STOX2: variants seen among roughly 807,000 people sequenced by gnomAD.
The protein encoded by STOX2 is storkhead-box protein 2.
Under a neutral mutation model 60.9 loss-of-function variants are expected in STOX2, and 28 were observed. The ratio of observed to expected loss-of-function variants is 0.46; its 90% confidence interval spans 0.34 to 0.63. The LOEUF is 0.63. STOX2 is among the 30% of genes least tolerant of loss of function. The pLI is 0.01. For missense variants in STOX2, 1,024 were observed against 1,187.7 expected (o/e 0.86, Z 2.03); for synonymous variants, 472 against 463.9 (o/e 1.02, Z -0.22).
intron 1 of STOX2, among the ~76,000 whole-genome samples, chr4:183,963,585 C>G (rs1743474341): frequency 6.6e-6 from 1 of 151,764 alleles, no homozygotes; most frequent in South Asian, 2.1e-4. Context: ...CGCCACCACA[C>G]CCGGCTAATT....
At chr4:183,925,868 G>T (rs1307995863) in intron 1 of STOX2, among the ~76,000 whole-genome samples, 1 of 151,874 alleles carries the variant, frequency 6.6e-6, no homozygotes, top group African/African-American at 2.4e-5. Flanking sequence ...GCTCCTTTTA[G>T]TATTTGAAAA....
At chr4:183,894,436 A>G (rs1741296473) in intron 1 of STOX2, among the ~76,000 whole-genome samples, 1 of 152,204 alleles carries the variant, frequency 6.6e-6, no homozygotes, top group African/African-American at 2.4e-5. Context: ...TTTTTATTCT[A>G]TATTAGCATT....
intron 1 of STOX2, among the ~76,000 whole-genome samples, chr4:183,850,165 G>T (rs1288302744): frequency 6.6e-6 from 1 of 151,542 alleles, no homozygotes; most frequent in African/African-American, 2.4e-5. Context: ...TAGAGACGAG[G>T]TTTCACCATG....
At chr4:183,913,811 A>C (rs1741855517) in intron 1 of STOX2, among the ~76,000 whole-genome samples, 1 of 152,022 alleles carries the variant, frequency 6.6e-6, no homozygotes, top group Non-Finnish European at 1.5e-5. Context: ...ACAAACAAAA[A>C]AACTGTGTGT....
At chr4:183,894,834 G>A (rs922912706) in intron 1 of STOX2, among the ~76,000 whole-genome samples, 5 of 152,072 alleles carry the variant, frequency 3.3e-5, no homozygotes, top group South Asian at 2.1e-4. Context: ...TAACTCTCTC[G>A]GTCTCTTGCA....
rs562295888 is a variant in STOX2, at chr4:183,911,699, C to G, written c.166+4743C>G. On this transcript the variant is annotated intron_variant, in intron 1 of 3. Coordinates refer to ENST00000308497, the MANE Select transcript of STOX2 (RefSeq NM_020225.3). ...CAATTCTGGCCTGAAATTCCCTACA[C>G]CCCGGAGAATTAGGACAATTCAGAC... is the stretch of plus-strand genomic sequence containing the variant. 1.4e-4 allele frequency among the ~76,000 whole-genome samples: 22 copies of G among 152,332 alleles called. No individual in the cohort carries two copies. In the South Asian group the frequency reaches 2.1e-3, roughly 14 times the overall value.
At chr4:184,005,192 G>T (rs973223524) in intron 2 of STOX2, among the ~76,000 whole-genome samples, 9 of 152,208 alleles carry the variant, frequency 5.9e-5, no homozygotes, top group Non-Finnish European at 1.3e-4. Context: ...GATTGTGGTG[G>T]CTCACACCTA....
At chr4:183,815,989 C>T (rs2111105244) in intron 1 of STOX2, among the ~76,000 whole-genome samples, 1 of 152,290 alleles carries the variant, frequency 6.6e-6, no homozygotes, top group Non-Finnish European at 1.5e-5. Flanking sequence ...GTAACCTTAG[C>T]ATCCAGTGTC....
chr4:183,951,011 C>T (rs552982202), intron 1 of STOX2, among the ~76,000 whole-genome samples: 66 of 151,844 alleles, frequency 4.3e-4, no homozygotes, highest in African/African-American at 1.3e-3. Context: ...GTCAGGAGAT[C>T]GAGACCATCC....
At position 184,009,136 on chromosome 4, in the gene STOX2, GTTTT is replaced by G; in HGVS notation, c.320-7_320-4del. 1.2e-4 allele frequency: 86 copies of G among 715,928 alleles called. No homozygotes were observed. The highest frequency in any genetic ancestry group is 1.6e-4 in the Non-Finnish European group (72 of 462,784). 44.3% of individuals were successfully genotyped at this position (715,928 alleles called of 1,614,324 possible). A position where few individuals can be genotyped will look rare whatever the true frequency, so the allele number is the denominator to read the frequency against. ...TGTTCTGTCTTCATTCTCACAAGTGGTTTTTTTTTTTTTTTTTTCAGGTGTTCCA... is the reference window on the plus strand; with the variant it reads ...TGTTCTGTCTTCATTCTCACAAGTGGTTTTTTTTTTTTTTCAGGTGTTCCA... On this transcript the variant is annotated intron_variant, in intron 2 of 3. Coordinates refer to ENST00000308497, the MANE Select transcript of STOX2 (RefSeq NM_020225.3). This position sits in a 1 kb window ranked among gnomAD's most constrained non-coding sequence, Gnocchi z 4.0.
At chr4:184,000,791 C>A (rs752724329) in intron 1 of STOX2, among the ~76,000 whole-genome samples, 57 of 152,158 alleles carry the variant, frequency 3.7e-4, no homozygotes, top group Non-Finnish European at 5.9e-5. Flanking sequence ...GTGCCTGCCA[C>A]GCAGCATTGC....
intron 1 of STOX2, among the ~76,000 whole-genome samples, chr4:183,934,928 ACTC>A (rs1281809813): frequency 1.1e-4 from 16 of 152,292 alleles, no homozygotes; most frequent in Non-Finnish European, 1.9e-4. Flanking sequence ...AAGCAGGCTG[ACTC>A]CTCAGGTTGC....
upstream of STOX2, chr4:183,905,228 A>T (rs36115739): frequency 0.52 from 78,590 of 152,252 alleles, 22,205 homozygotes; most frequent in Non-Finnish European, 0.63. Context: ...CCCAGCGCCC[A>T]GGCCCGGGCG....
intron 1 of STOX2, chr4:183,798,915 A>G: frequency 1.5e-6 from 1 of 646,388 alleles, no homozygotes; most frequent in Non-Finnish European, 1.9e-6. Context: ...TTTTTGTACT[A>G]TTACATAGTA....
chr4:183,821,495 T>G lies in STOX2; in HGVS notation c.364+23440T>G, dbSNP rs555332055. Among the ~76,000 whole-genome samples, 1 of 152,376 alleles carries G rather than the reference T, an allele frequency of 6.6e-6. No individual in the cohort carries two copies. Among genetic ancestry groups the G allele is most frequent in the South Asian group, 2.1e-4 (1 of 4,828 alleles). On this transcript the variant is annotated intron_variant, in intron 1 of 2. Transcript: ENST00000513034. The surrounding 1 kb of genome is among the most constrained non-coding windows in gnomAD (Gnocchi z 4.2). Reference sequence around the variant, plus strand: ...GCTGGATATTTTCACCCATGACCCTTAAGAGAATGCGGGTGATCCCAACCC... The same window carrying G: ...GCTGGATATTTTCACCCATGACCCTGAAGAGAATGCGGGTGATCCCAACCC...
intron 1 of STOX2, among the ~76,000 whole-genome samples, chr4:183,899,617 G>C (rs779877532): frequency 4.5e-4 from 69 of 152,310 alleles, no homozygotes; most frequent in Non-Finnish European, 8.5e-4. Flanking sequence ...TCAATTCTCT[G>C]AAGGCTGAGA....
chr4:183,821,779 G>A lies in STOX2; in HGVS notation c.364+23724G>A, dbSNP rs891356507. ...GCAGCCTCCCCCTCCACATCCCTGC[G>A]GAGCACCCATCCCTGTCCCTGTTCC... On this transcript the variant is annotated intron_variant, in intron 1 of 2. Transcript: ENST00000513034. The surrounding 1 kb of genome is among the most constrained non-coding windows in gnomAD (Gnocchi z 4.2). Among the ~76,000 whole-genome samples the A allele has an allele frequency of 3.3e-5, 5 of 152,214 alleles. No homozygotes were observed. Among genetic ancestry groups the A allele is most frequent in the Non-Finnish European group, 5.9e-5 (4 of 68,026 alleles).
At position 183,841,179 on chromosome 4, in the gene STOX2, G is replaced by GTATCTATTTATT. The variant is rs146024028; in HGVS notation, c.364+43127_364+43128insCTATTTATTTAT. Among the ~76,000 whole-genome samples, 404 of 148,000 alleles carry GTATCTATTTATT rather than the reference G, an allele frequency of 2.7e-3. 4 individuals are homozygous for GTATCTATTTATT. Among genetic ancestry groups the GTATCTATTTATT allele is most frequent in the East Asian group, 0.014 (67 of 4,934 alleles). On this transcript the variant is annotated intron_variant, in intron 1 of 2. Transcript: ENST00000513034. ...CACGCCCGGTTCAGTTTTCATCGTAGTATTTATTTATTTATTTATTTATTT... is the reference window on the plus strand; with the variant it reads ...CACGCCCGGTTCAGTTTTCATCGTAGTATCTATTTATTTATTTATTTATTTATTTATTTATTT...
chr4:183,876,344 G>A (rs1024716338), intron 1 of STOX2, among the ~76,000 whole-genome samples: 2 of 152,154 alleles, frequency 1.3e-5, no homozygotes, highest in African/African-American at 4.8e-5. Flanking sequence ...CAGCAGGCCC[G>A]GGAGGCCTGG....
Sources: allele counts gnomAD v4.1 joint callset (sites outside exome capture counted in the v4.1 genomes callset), GRCh38; gene constraint gnomAD v4.1.1; non-coding constraint Gnocchi (gnomAD v3.1); transcripts MANE v1.5; gene names NCBI Gene and HGNC (gene_info 2026-07-23, HGNC 2026-07-21).